The following CDKAL1 variants were observed in gnomAD, a reference collection of about 807,000 sequenced individuals.
CDKAL1 encodes the protein threonylcarbamoyladenosine tRNA methylthiotransferase.
Under a neutral mutation model 68.2 loss-of-function variants are expected in CDKAL1, and 32 were observed. The ratio of observed to expected loss-of-function variants is 0.47; its 90% CI spans 0.35 to 0.63. The LOEUF (loss-of-function observed/expected upper bound fraction) is 0.63. Among genes scored for constraint, CDKAL1 ranks in the 30% least tolerant of loss-of-function variants. The pLI is 0.00. For missense variants in CDKAL1, 606 were observed against 696.7 expected, an observed-to-expected ratio of 0.87 and a Z score of 1.47; for synonymous variants, 234 against 244.3, an observed-to-expected ratio of 0.96 and a Z score of 0.39.
At chr6:20,956,098 C>G (rs141038825) in intron 10 of CDKAL1, among the ~76,000 whole-genome samples, 46 of 152,312 alleles carry the variant, frequency 3.0e-4, no homozygotes, top group African/African-American at 1.1e-3. Flanking sequence ...AGGTACTCTT[C>G]CACTTGATTT....
chr6:21,189,757 T>C (rs10452581), intron 13 of CDKAL1, among the ~76,000 whole-genome samples: 18,791 of 152,238 alleles, frequency 0.12, 1,230 homozygotes, highest in East Asian at 0.16. Context: ...TTTAATGTTA[T>C]TGCTATTATT....
At chr6:21,112,498 T>A (rs1774173894) in intron 13 of CDKAL1, among the ~76,000 whole-genome samples, 1 of 152,216 alleles carries the variant, frequency 6.6e-6, no homozygotes, top group Non-Finnish European at 1.5e-5. Context: ...TTGCTTTCTT[T>A]TAGTGGCTTG....
chr6:20,655,869 G>A (rs1769003946), intron 5 of CDKAL1, among the ~76,000 whole-genome samples: 1 of 152,082 alleles, frequency 6.6e-6, no homozygotes, highest in Non-Finnish European at 1.5e-5. Context: ...ACATGTTTTG[G>A]TTTTGAATGT....
At chr6:21,146,819 C>A (rs1294462432) in intron 13 of CDKAL1, among the ~76,000 whole-genome samples, 9 of 147,654 alleles carry the variant, frequency 6.1e-5, no homozygotes, top group African/African-American at 2.3e-4. Flanking sequence ...CCACTGCACT[C>A]CAGCCTGGGC....
At chr6:20,772,331 G>C (rs1343831486) in intron 7 of CDKAL1, among the ~76,000 whole-genome samples, 3 of 151,958 alleles carry the variant, frequency 2.0e-5, no homozygotes, top group Non-Finnish European at 4.4e-5. Flanking sequence ...TTCTACTAAG[G>C]GTCAATACTA....
intron 13 of CDKAL1, among the ~76,000 whole-genome samples, chr6:21,167,015 T>C (rs1777181428): frequency 6.6e-6 from 1 of 152,178 alleles, no homozygotes; most frequent in Admixed American, 6.5e-5. Context: ...AGTTTCCTTA[T>C]CTGTGTCCTA....
intron 7 of CDKAL1, among the ~76,000 whole-genome samples, chr6:20,769,257 C>CTTTTTTTTTTTTTT (rs371966986): frequency 8.7e-6 from 1 of 115,006 alleles, no homozygotes; most frequent in Non-Finnish European, 1.7e-5. Context: ...TTGTGATCAT[C>CTTTTTTTTTTTTTT]TTTTTTTTTT....
At chr6:20,768,281 C>T (rs1485134973) in intron 7 of CDKAL1, among the ~76,000 whole-genome samples, 1 of 152,066 alleles carries the variant, frequency 6.6e-6, no homozygotes, top group East Asian at 1.9e-4. Context: ...TCCTGAGTTG[C>T]AAATTGTATC....
chr6:20,987,256 T>G (rs1327900565), intron 10 of CDKAL1, among the ~76,000 whole-genome samples: 2 of 150,246 alleles, frequency 1.3e-5, no homozygotes, highest in African/African-American at 5.0e-5. Context: ...GCAGTTTGTC[T>G]GGAAACTTTT....
At chr6:21,117,293 T>G (rs1360860842) in intron 13 of CDKAL1, among the ~76,000 whole-genome samples, 3 of 151,996 alleles carry the variant, frequency 2.0e-5, no homozygotes, top group African/African-American at 7.3e-5. Flanking sequence ...AAATTGTTTT[T>G]TTTTTTTTTT....
intron 4 of CDKAL1, among the ~76,000 whole-genome samples, chr6:20,553,995 T>G (rs1316659355): frequency 6.6e-6 from 1 of 151,972 alleles, no homozygotes; most frequent in Non-Finnish European, 1.5e-5. Flanking sequence ...AATTTTTGTA[T>G]TTTTAGTAAC....
chr6:21,150,738 C>T (rs535811225), intron 13 of CDKAL1, among the ~76,000 whole-genome samples: 3 of 152,336 alleles, frequency 2.0e-5, no homozygotes, highest in South Asian at 2.1e-4. Flanking sequence ...CTGTCAACTT[C>T]GTCCTGACAG....
At chr6:21,095,502 C>A (rs1320013425) in intron 12 of CDKAL1, among the ~76,000 whole-genome samples, 1 of 152,116 alleles carries the variant, frequency 6.6e-6, no homozygotes, top group Non-Finnish European at 1.5e-5. Context: ...AGGGGAAACT[C>A]AGCTACTTTA....
chr6:20,774,352 G>A (rs141675154), intron 7 of CDKAL1, among the ~76,000 whole-genome samples: 5 of 152,286 alleles, frequency 3.3e-5, no homozygotes, highest in Admixed American at 6.5e-5. Context: ...GTGTAGGAGC[G>A]TAATTTAGTT....
At chr6:20,777,867 T>C (rs566392778) in intron 7 of CDKAL1, among the ~76,000 whole-genome samples, 31 of 152,000 alleles carry the variant, frequency 2.0e-4, no homozygotes, top group Non-Finnish European at 3.8e-4. Context: ...AGTGAGAAAA[T>C]AGAATAATTA....
At chr6:21,149,533 T>C (rs1029692460) in intron 13 of CDKAL1, among the ~76,000 whole-genome samples, 1 of 152,190 alleles carries the variant, frequency 6.6e-6, no homozygotes, top group African/African-American at 2.4e-5. Flanking sequence ...TTGCAATGAT[T>C]TGTAGGTAGT....
chr6:20,705,270 T>C (rs1274823848), intron 5 of CDKAL1, among the ~76,000 whole-genome samples: 1 of 152,212 alleles, frequency 6.6e-6, no homozygotes, highest in Non-Finnish European at 1.5e-5. Context: ...TTTTTTTCAT[T>C]GTACAAATGA....
rs933427254 is a variant in CDKAL1 at position 21,169,212 on chromosome 6, A to G, written c.1300-28809A>G. Among the ~76,000 whole-genome samples, 18 of 152,354 alleles carry G rather than the reference A, an allele frequency of 1.2e-4. 1 individual carries two copies. Among genetic ancestry groups the G allele is most frequent in the East Asian group, 9.6e-4 (5 of 5,188 alleles). On this transcript the variant is annotated intron_variant, in intron 13 of 15. Transcript: ENST00000274695. ...CATGGTGATAAATACACACGAGCAG[A>G]TATTACAATGCCATGCATCTGTGTC... is the stretch of plus-strand genomic sequence containing the variant.
chr6:21,197,377 C>G (rs1015093229), intron 13 of CDKAL1, among the ~76,000 whole-genome samples: 1 of 152,056 alleles, frequency 6.6e-6, no homozygotes, highest in African/African-American at 2.4e-5. Flanking sequence ...CTGTCTTTCT[C>G]TTTAAAAAAT....
Sources: gnomAD v4.1 joint callset for allele counts (sites outside exome capture counted in the v4.1 genomes callset) on GRCh38, gnomAD v4.1.1 for gene constraint, MANE v1.5 for transcripts, NCBI Gene and HGNC (gene_info 2026-07-23, HGNC 2026-07-21) for gene names.